The following CTNND2 variants were observed in gnomAD, a reference collection of about 807,000 sequenced individuals.
CTNND2 encodes catenin delta 2.
A neutral mutation model predicts 144.4 loss-of-function variants in CTNND2; 22 were observed. The observed-to-expected ratio is 0.15, with a 90% CI of 0.11 to 0.22. CTNND2 has a LOEUF of 0.22. CTNND2 is among the 10% of genes least tolerant of loss of function. CTNND2 has a pLI of 1.00. For missense variants in CTNND2, 1,353 were observed against 1,618.8 expected (o/e 0.84, Z 2.82); for synonymous variants, 751 against 695.6 (o/e 1.08, Z -1.25).
intron 16 of CTNND2, among the ~76,000 whole-genome samples, chr5:11,036,185 G>A (rs1744046577): frequency 6.6e-6 from 1 of 151,680 alleles, no homozygotes; most frequent in African/African-American, 2.4e-5. Context: ...TTCCTCACTT[G>A]TGGAAATGCT....
intron 2 of CTNND2, chr5:11,588,864 C>T: frequency 1.4e-5 from 14 of 985,416 alleles, no homozygotes; most frequent in Non-Finnish European, 1.7e-5. Flanking sequence ...GCAGGCGGTT[C>T]CTGGCATCCT....
At chr5:11,743,703 T>C (rs1788148518) in intron 1 of CTNND2, among the ~76,000 whole-genome samples, 1 of 151,966 alleles carries the variant, frequency 6.6e-6, no homozygotes, top group African/African-American at 2.4e-5. Flanking sequence ...GCTACACAGG[T>C]CATTTGCTGC....
At chr5:11,765,697 T>C (rs1212785556) in intron 1 of CTNND2, among the ~76,000 whole-genome samples, 1 of 151,994 alleles carries the variant, frequency 6.6e-6, no homozygotes, top group Admixed American at 6.6e-5. Context: ...CAAGCTCAAA[T>C]GAGATGTAGA....
intron 3 of CTNND2, among the ~76,000 whole-genome samples, chr5:11,519,283 C>T (rs1772499121): frequency 6.6e-6 from 1 of 152,078 alleles, no homozygotes; most frequent in South Asian, 2.1e-4. Context: ...CTTTGAGTAC[C>T]ATTTACCTAC....
chr5:11,600,680 T>G (rs2126325814), intron 2 of CTNND2, among the ~76,000 whole-genome samples: 1 of 124,964 alleles, frequency 8.0e-6, no homozygotes, highest in Admixed American at 1.0e-4. Flanking sequence ...CACTCCAGCC[T>G]GGGCAACAGA....
intron 2 of CTNND2, among the ~76,000 whole-genome samples, chr5:11,692,867 G>A (rs1784972258): frequency 6.6e-6 from 1 of 152,222 alleles, no homozygotes; most frequent in Admixed American, 6.5e-5. Flanking sequence ...CTCCTAAAGT[G>A]CTGGGATTAC....
intron 3 of CTNND2, among the ~76,000 whole-genome samples, chr5:11,546,952 G>A (rs187360517): frequency 1.2e-4 from 18 of 152,194 alleles, no homozygotes; most frequent in Non-Finnish European, 2.1e-4. Flanking sequence ...CCTAACATGC[G>A]AAAAAATCAA....
intron 16 of CTNND2, among the ~76,000 whole-genome samples, chr5:11,068,691 G>C (rs944775292): frequency 6.6e-6 from 1 of 152,162 alleles, no homozygotes; most frequent in Non-Finnish European, 1.5e-5. Flanking sequence ...CGAGGCGGGC[G>C]GATCACGAGG....
At chr5:11,117,667 T>G in intron 12 of CTNND2, 100 bp from the exon 13 acceptor site, 1 of 878,994 alleles carries the variant, frequency 1.1e-6, no homozygotes, top group Middle Eastern at 2.2e-4. Context: ...AAATGCATTT[T>G]TCCCCACTTT....
intron 3 of CTNND2, among the ~76,000 whole-genome samples, chr5:11,450,467 T>C (rs911386924): frequency 1.3e-5 from 2 of 152,172 alleles, no homozygotes; most frequent in African/African-American, 4.8e-5. Flanking sequence ...ACCCAATATC[T>C]TAGGACAGGG....
At chr5:11,144,955 C>G (rs1174927750) in intron 12 of CTNND2, among the ~76,000 whole-genome samples, 1 of 152,046 alleles carries the variant, frequency 6.6e-6, no homozygotes, top group Non-Finnish European at 1.5e-5. Context: ...TCAGCAGAGA[C>G]AGTGGTCTTG....
At chr5:11,474,849 A>G (rs1041871262) in intron 3 of CTNND2, among the ~76,000 whole-genome samples, 1 of 151,996 alleles carries the variant, frequency 6.6e-6, no homozygotes, top group African/African-American at 2.4e-5. Flanking sequence ...ATTACCAATT[A>G]CCTTCCATGG....
intron 18 of CTNND2, 22 bp downstream of exon 18, chr5:11,017,952 G>T (rs755766749): frequency 3.9e-5 from 63 of 1,597,566 alleles, no homozygotes; most frequent in Non-Finnish European, 5.4e-5. Flanking sequence ...TGGACTCAGG[G>T]CCCAGGTGAA....
At chr5:11,442,871 TATAA>T (rs1205838026) in intron 3 of CTNND2, among the ~76,000 whole-genome samples, 1 of 133,486 alleles carries the variant, frequency 7.5e-6, no homozygotes, top group East Asian at 1.9e-4. Context: ...TTATAATTAT[TATAA>T]ATATTATATA....
chr5:11,457,621 A>G (rs1765848541), intron 3 of CTNND2, among the ~76,000 whole-genome samples: 1 of 152,198 alleles, frequency 6.6e-6, no homozygotes, highest in South Asian at 2.1e-4. Flanking sequence ...CTTCATTGTC[A>G]GAAATGGAGA....
chr5:11,652,141 T>C (rs1782674943), intron 2 of CTNND2, among the ~76,000 whole-genome samples: 1 of 152,204 alleles, frequency 6.6e-6, no homozygotes, highest in Admixed American at 6.5e-5. Flanking sequence ...TGGGTCTTGG[T>C]TGGGGGTAAC....
chr5:11,615,842 C>CA (rs1210730946), intron 2 of CTNND2, among the ~76,000 whole-genome samples: 4 of 152,146 alleles, frequency 2.6e-5, no homozygotes, highest in African/African-American at 9.7e-5. Flanking sequence ...CAAGGATGGC[C>CA]AAGTGGCTAC....
At chr5:11,409,142 A>G (rs1425997070) in intron 5 of CTNND2, among the ~76,000 whole-genome samples, 1 of 152,040 alleles carries the variant, frequency 6.6e-6, no homozygotes, top group Non-Finnish European at 1.5e-5. Context: ...TTTGCTTAGT[A>G]AATGCTATGC....
At chr5:11,414,656 C>T (rs1481203894) in intron 3 of CTNND2, among the ~76,000 whole-genome samples, 1 of 152,152 alleles carries the variant, frequency 6.6e-6, no homozygotes, top group African/African-American at 2.4e-5. Context: ...CACAGGTAAA[C>T]TCATGTCATG....
Sources: allele counts gnomAD v4.1 joint callset (sites outside exome capture counted in the v4.1 genomes callset), GRCh38; gene constraint gnomAD v4.1.1; transcripts MANE v1.5; gene names NCBI Gene and HGNC (gene_info 2026-07-23, HGNC 2026-07-21).